The following GRM5 variants were observed in gnomAD, a reference collection of about 807,000 sequenced individuals.
GRM5 encodes the protein glutamate metabotropic receptor 5, also known as metabotropic glutamate receptor 5.
GRM5 carries 19 observed loss-of-function variants against 83.1 expected under a neutral mutation model. The ratio of observed to expected loss-of-function variants is 0.23; its 90% CI spans 0.16 to 0.34. GRM5 has a LOEUF of 0.34. Ranked by LOEUF, GRM5 falls within the 10% of genes least tolerant of loss-of-function variation. GRM5 has a pLI of 1.00. For missense variants in GRM5, 1,160 were observed against 1,588.3 expected (o/e 0.73, Z 4.58); for synonymous variants, 675 against 633.6 (o/e 1.07, Z -0.98).
At chr11:88,907,854 C>G (rs1053990836) in intron 2 of GRM5, among the ~76,000 whole-genome samples, 3 of 152,228 alleles carry the variant, frequency 2.0e-5, no homozygotes, top group African/African-American at 7.2e-5. Flanking sequence ...TTTATAGAAT[C>G]TCATAGCAGA....
chr11:88,997,218 T>G (rs1243122970), intron 2 of GRM5, among the ~76,000 whole-genome samples: 2 of 150,852 alleles, frequency 1.3e-5, no homozygotes, highest in Non-Finnish European at 3.0e-5. Context: ...TCCCAGCTAC[T>G]TGGGAGGCTG....
intron 3 of GRM5, among the ~76,000 whole-genome samples, chr11:88,699,201 C>G (rs148001463): frequency 1.3e-5 from 2 of 152,252 alleles, no homozygotes; most frequent in African/African-American, 4.8e-5. Context: ...ACATTCTTTA[C>G]ATGGGTCAGC....
At chr11:88,771,737 A>G (rs1591503752) in intron 3 of GRM5, among the ~76,000 whole-genome samples, 1 of 152,286 alleles carries the variant, frequency 6.6e-6, no homozygotes, top group East Asian at 1.9e-4. Context: ...AACAGCTAAC[A>G]TTAATAATCA....
chr11:88,902,206 TGCAA>T (rs1216738834), intron 2 of GRM5, among the ~76,000 whole-genome samples: 2 of 151,946 alleles, frequency 1.3e-5, no homozygotes, highest in African/African-American at 4.8e-5. Context: ...TTGAACCTGA[TGCAA>T]TGCCAGTATA....
At chr11:88,842,527 T>C (rs940964966) in intron 3 of GRM5, among the ~76,000 whole-genome samples, 10 of 152,170 alleles carry the variant, frequency 6.6e-5, no homozygotes, top group African/African-American at 2.2e-4. Flanking sequence ...CCTCAATAAA[T>C]CCAAATGGCC....
chr11:88,703,385 G>A, intron 3 of GRM5, among the ~76,000 whole-genome samples: 1 of 47,916 alleles, frequency 2.1e-5, no homozygotes, highest in South Asian at 1.3e-3. Flanking sequence ...GGACACCTGA[G>A]GGATGGTATG....
chr11:88,662,422 T>C (rs1391430864), intron 3 of GRM5, among the ~76,000 whole-genome samples: 2 of 152,076 alleles, frequency 1.3e-5, no homozygotes, highest in African/African-American at 2.4e-5. Context: ...AGGGATCAGA[T>C]TGTATATTGA....
chr11:88,614,011 G>C (rs1448924732), intron 4 of GRM5, among the ~76,000 whole-genome samples: 1 of 152,122 alleles, frequency 6.6e-6, no homozygotes, highest in African/African-American at 2.4e-5. Context: ...GGTATTCAGT[G>C]ACAATCTCTG....
intron 3 of GRM5, among the ~76,000 whole-genome samples, chr11:88,765,773 T>C (rs1942615036): frequency 6.6e-6 from 1 of 151,820 alleles, no homozygotes; most frequent in Admixed American, 6.6e-5. Flanking sequence ...CTTCATGGCA[T>C]TGTATTTGGG....
At chr11:88,982,428 C>T (rs546800082) in intron 2 of GRM5, among the ~76,000 whole-genome samples, 2 of 152,136 alleles carry the variant, frequency 1.3e-5, no homozygotes, top group South Asian at 4.1e-4. Flanking sequence ...GGAAAAAGAA[C>T]TCCACCCATC....
At chr11:89,062,959 C>A (rs906940378) in intron 1 of GRM5, among the ~76,000 whole-genome samples, 1 of 152,250 alleles carries the variant, frequency 6.6e-6, no homozygotes, top group Non-Finnish European at 1.5e-5. Context: ...GAGGAAAGAG[C>A]GGGAGGGCTC....
chr11:89,023,810 A>G lies in GRM5; in HGVS notation c.661+23402T>C, dbSNP rs557369451. On this transcript the variant is annotated intron_variant, in intron 2 of 9. Transcript: ENST00000305447. ...GGTTGCAGTGAGCCAAGATCACACC[A>G]CTGCACTCCAGCTTGGGCAACAGAG... Among the ~76,000 whole-genome samples, 32 of 151,788 alleles carry G rather than the reference A, an allele frequency of 2.1e-4. 1 individual carries two copies. Among genetic ancestry groups the G allele is most frequent in the African/African-American group, 7.7e-4 (32 of 41,396 alleles).
chr11:88,748,213 A>G (rs1252016956), intron 3 of GRM5, among the ~76,000 whole-genome samples: 1 of 152,154 alleles, frequency 6.6e-6, no homozygotes, highest in Non-Finnish European at 1.5e-5. Context: ...GTGGAGTCTC[A>G]GCAGAGCAGC....
intron 3 of GRM5, among the ~76,000 whole-genome samples, chr11:88,832,244 A>G (rs936824139): frequency 1.3e-5 from 2 of 152,216 alleles, no homozygotes; most frequent in African/African-American, 4.8e-5. Context: ...CTATACCAAA[A>G]ACCTTTTAGA....
chr11:88,535,158 C>A (rs1444342319), intron 8 of GRM5, among the ~76,000 whole-genome samples: 1 of 152,130 alleles, frequency 6.6e-6, no homozygotes, highest in African/African-American at 2.4e-5. Flanking sequence ...AAGATATTTG[C>A]CTTTCCTTTG....
intron 2 of GRM5, among the ~76,000 whole-genome samples, chr11:88,949,031 G>C (rs962761072): frequency 2.0e-5 from 3 of 152,150 alleles, no homozygotes; most frequent in Admixed American, 2.0e-4. Flanking sequence ...GGCTTGCTTT[G>C]TTTCCTCTTT....
chr11:88,962,950 A>G (rs988187340), intron 2 of GRM5, among the ~76,000 whole-genome samples: 1 of 152,166 alleles, frequency 6.6e-6, no homozygotes, highest in Non-Finnish European at 1.5e-5. Flanking sequence ...TTAGCCAGGC[A>G]TGGCGGCACA....
intron 3 of GRM5, among the ~76,000 whole-genome samples, chr11:88,811,418 G>A (rs1386411308): frequency 6.6e-6 from 1 of 152,134 alleles, no homozygotes; most frequent in Non-Finnish European, 1.5e-5. Context: ...ACAAAGACCT[G>A]TTGTAGAATC....
chr11:88,792,688 C>A (rs1164839480), intron 3 of GRM5, among the ~76,000 whole-genome samples: 3 of 152,036 alleles, frequency 2.0e-5, no homozygotes, highest in African/African-American at 7.2e-5. Context: ...GTGTCCCACC[C>A]AACATACTGA....
Sources: allele counts gnomAD v4.1 joint callset (sites outside exome capture counted in the v4.1 genomes callset), GRCh38; gene constraint gnomAD v4.1.1; transcripts MANE v1.5; gene names NCBI Gene and HGNC (gene_info 2026-07-23, HGNC 2026-07-21).